Variants in CYBB observed in about 807,000 individuals in gnomAD.
CYBB encodes the protein NADPH oxidase 2.
CYBB carries 5 observed loss-of-function variants against 46.5 expected under a neutral mutation model. The ratio of observed to expected loss-of-function variants is 0.11; its 90% CI spans 0.06 to 0.23. CYBB has a LOEUF of 0.23. Among genes scored for constraint, CYBB ranks in the 10% least tolerant of loss-of-function variants. The pLI, the probability that CYBB is intolerant of heterozygous loss-of-function variation, is 1.00. For missense variants in CYBB, 307 were observed against 428.3 expected, an observed-to-expected ratio of 0.72 and a Z score of 2.50; for synonymous variants, 183 against 156.7, an observed-to-expected ratio of 1.17 and a Z score of -1.26.
intron 3 of CYBB, among the ~76,000 whole-genome samples, chrX:37,785,187 A>C (rs1929037110): frequency 9.4e-6 from 1 of 106,502 alleles, no homozygotes; most frequent in Admixed American, 1.0e-4. Context: ...TGGCAGAAAT[A>C]ACTGTTACAC....
chrX:37,780,923 T>G (rs945990759), intron 1 of CYBB, among the ~76,000 whole-genome samples: 18 of 111,734 alleles, frequency 1.6e-4, no homozygotes, highest in Admixed American at 1.3e-3. Flanking sequence ...CCTTTCTAAA[T>G]AACCAATAGA....
chrX:37,803,349 G>A (rs782471325), intron 8 of CYBB, among the ~76,000 whole-genome samples: 66 of 110,995 alleles, frequency 5.9e-4, no homozygotes, highest in Admixed American at 3.5e-3. Context: ...TGGGGGATAG[G>A]AAGGCTGAGC....
chrX:37,800,327 AC>A (rs1172938074), intron 7 of CYBB, among the ~76,000 whole-genome samples: 1 of 111,678 alleles, frequency 9.0e-6, no homozygotes, highest in Non-Finnish European at 1.9e-5. Flanking sequence ...TCCCATTAAA[AC>A]AAAGGCCAAC....
In CYBB at chrX:37,793,153, C is replaced by T. The variant is rs140436053; in HGVS notation, c.338-512C>T. On this transcript the variant is annotated intron_variant, in intron 4 of 12. Transcript: ENST00000378588. ...TTAATAAAGAATGCAATTTTTAAGA[C>T]AGAGAGATTCATACCTTATGGCCAT... Among the ~76,000 whole-genome samples the T allele has an allele frequency of 3.3e-3, 349 of 106,291 alleles. 1 individual carries two copies. Among genetic ancestry groups the T allele is most frequent in the African/African-American group, 0.012 (335 of 29,096 alleles). 92.3% of individuals were successfully genotyped at this position (106,291 alleles called of 115,157 possible). A position where few individuals can be genotyped will look rare whatever the true frequency, so the allele number is the denominator to read the frequency against.
At chrX:37,799,618 C>T (rs937916609) in intron 7 of CYBB, among the ~76,000 whole-genome samples, 4 of 111,912 alleles carry the variant, frequency 3.6e-5, no homozygotes, top group South Asian at 3.7e-4. Flanking sequence ...ATACCAACAT[C>T]CCAATGGCAT....
chrX:37,799,824 T>C (rs1259841547), intron 7 of CYBB, among the ~76,000 whole-genome samples: 1 of 112,036 alleles, frequency 8.9e-6, no homozygotes, highest in Non-Finnish European at 1.9e-5. Context: ...GTTATTGTGC[T>C]AGCCATTGGT....
Position 37,813,249 on chromosome X carries a change from AT to A in CYBB, c.*2335del, listed in dbSNP as rs2146823468. ...TTTTTTTTAGCACTTAGTATTTAGC[AT>A]TTATTAACAGGTACTCTAAGAATGA... On this transcript the variant is annotated 3_prime_UTR_variant, in exon 13 of 13. Coordinates refer to ENST00000378588, the MANE Select transcript of CYBB (RefSeq NM_000397.4). The A allele has an allele frequency of 1.2e-5, 1 of 82,086 alleles. No homozygotes were observed. Among genetic ancestry groups the A allele is most frequent in the South Asian group, 5.7e-4 (1 of 1,752 alleles). 6.8% of individuals were successfully genotyped at this position (82,086 alleles called of 1,213,427 possible). A position where few individuals can be genotyped will look rare whatever the true frequency, so the allele number is the denominator to read the frequency against.
intron 5 of CYBB, 75 bp from the exon 6 acceptor site, chrX:37,795,876 T>G (rs894103993): frequency 5.0e-5 from 39 of 778,296 alleles, no homozygotes; most frequent in Non-Finnish European, 7.6e-5. Flanking sequence ...ACCTATAATA[T>G]TGTGCTTGCG....
chrX:37,794,201 G>A (rs192483276), intron 5 of CYBB, among the ~76,000 whole-genome samples: 87 of 112,163 alleles, frequency 7.8e-4, no homozygotes, highest in African/African-American at 2.7e-3. Flanking sequence ...GGCATCTCAA[G>A]GGGATGTAAA....
chrX:37,793,196 A>G (rs1013147657), intron 4 of CYBB, among the ~76,000 whole-genome samples: 5 of 107,921 alleles, frequency 4.6e-5, no homozygotes, highest in African/African-American at 6.8e-5. Flanking sequence ...TATCAATTCA[A>G]TCAAATTTGT....
intron 9 of CYBB, 102 bp from the exon 10 acceptor site, chrX:37,804,904 A>G (rs1048435907): frequency 1.1e-6 from 1 of 872,622 alleles, no homozygotes; most frequent in Non-Finnish European, 1.7e-6. Flanking sequence ...CATTATTCCA[A>G]TTTGAATTAA....
rs767135388 is a variant in CYBB at position 37,813,415 on chromosome X, G to A, written c.*2498G>A. The A allele has an allele frequency of 8.1e-5, 9 of 110,772 alleles. No homozygotes were observed. The highest frequency in any genetic ancestry group is 9.5e-5 in the Non-Finnish European group (5 of 52,849). The allele number at this position is 110,772 out of a possible 1,213,427, so 9.1% of individuals were successfully genotyped here. A position where few individuals can be genotyped will look rare whatever the true frequency, so the allele number is the denominator to read the frequency against. Reference sequence around the variant, plus strand: ...GGGGGACCTGGGAGATAATTCCTACGGGGAATTCTTAAAACTGTGCTCAAC... The same window carrying A: ...GGGGGACCTGGGAGATAATTCCTACAGGGAATTCTTAAAACTGTGCTCAAC... On this transcript the variant is annotated 3_prime_UTR_variant, in exon 13 of 13. Coordinates refer to ENST00000378588, the MANE Select transcript of CYBB (RefSeq NM_000397.4).
At chrX:37,794,477 G>A (rs1237795543) in intron 5 of CYBB, among the ~76,000 whole-genome samples, 1 of 111,740 alleles carries the variant, frequency 8.9e-6, no homozygotes, top group Non-Finnish European at 1.9e-5. Context: ...GACCTCCTCA[G>A]AAGCTGGTGT....
At chrX:37,801,178 A>G in intron 7 of CYBB, 78 bp from the exon 8 acceptor site, 1 of 685,630 alleles carries the variant, frequency 1.5e-6, no homozygotes, top group South Asian at 2.1e-5. Context: ...CTTGGCTTCT[A>G]AAATTTTTCT....
chrX:37,784,577 T>A (rs1304597082), intron 3 of CYBB, among the ~76,000 whole-genome samples: 1 of 110,067 alleles, frequency 9.1e-6, no homozygotes, highest in Admixed American at 9.7e-5. Context: ...GTATTATTAT[T>A]ATAAATATTT....
At chrX:37,801,184 T>C in intron 7 of CYBB, 72 bp from the exon 8 acceptor site, 1 of 719,610 alleles carries the variant, frequency 1.4e-6, no homozygotes, top group East Asian at 3.2e-5. Context: ...TTCTAAAATT[T>C]TTCTCCCTCT....
At chrX:37,804,963 A>G in intron 9 of CYBB, 43 bp from the exon 10 acceptor site, 1 of 1,186,738 alleles carries the variant, frequency 8.4e-7, no homozygotes, top group Non-Finnish European at 1.1e-6. Context: ...CACTCTGAAG[A>G]GCAAGACATC....
intron 5 of CYBB, among the ~76,000 whole-genome samples, chrX:37,795,664 C>A (rs1929284287): frequency 8.9e-6 from 1 of 112,167 alleles, no homozygotes; most frequent in African/African-American, 3.2e-5. Context: ...CCTTTATTTT[C>A]TACCCCCTTA....
chrX:37,806,892 G>GTC (rs200426524), intron 11 of CYBB, among the ~76,000 whole-genome samples: 70 of 103,253 alleles, frequency 6.8e-4, no homozygotes, highest in African/African-American at 1.4e-3. Flanking sequence ...CTCTCTCTCT[G>GTC]TCTCTGTGTG....
Sources: gnomAD v4.1 joint callset for allele counts (sites outside exome capture counted in the v4.1 genomes callset) on GRCh38, gnomAD v4.1.1 for gene constraint, MANE v1.5 for transcripts, NCBI Gene and HGNC (gene_info 2026-07-23, HGNC 2026-07-21) for gene names.